NRXN1: variants seen among roughly 807,000 people sequenced by gnomAD.
NRXN1 encodes the protein neurexin-1.
NRXN1 carries 39 observed loss-of-function variants against 150.9 expected under a neutral mutation model. The ratio of observed to expected loss-of-function variants is 0.26; its 90% CI spans 0.20 to 0.34. The LOEUF is 0.34. Ranked by LOEUF, NRXN1 falls within the 10% of genes least tolerant of loss-of-function variation. The pLI, the probability that NRXN1 is intolerant of heterozygous loss-of-function variation, is 1.00. For synonymous variants in NRXN1, 924 were observed against 757.0 expected, an observed-to-expected ratio of 1.22 and a Z score of -3.62; for missense variants, 1,815 against 1,949.9, an observed-to-expected ratio of 0.93 and a Z score of 1.30.
intron 5 of NRXN1, among the ~76,000 whole-genome samples, chr2:50,751,987 G>A (rs2105333829): frequency 6.6e-6 from 1 of 151,974 alleles, no homozygotes; most frequent in East Asian, 1.9e-4. Flanking sequence ...AGTAGCTATT[G>A]AATTGAAATG....
chr2:50,509,748 G>C (rs138619650), intron 12 of NRXN1, among the ~76,000 whole-genome samples: 1 of 152,206 alleles, frequency 6.6e-6, no homozygotes, highest in East Asian at 1.9e-4. Flanking sequence ...TCCTTTGGGG[G>C]ATATCAAACC....
chr2:50,637,081 G>A (rs1683333972), intron 5 of NRXN1, among the ~76,000 whole-genome samples: 1 of 152,054 alleles, frequency 6.6e-6, no homozygotes, highest in Admixed American at 6.6e-5. Context: ...TATGGTTGGT[G>A]CTATATGTCC....
intron 15 of NRXN1, among the ~76,000 whole-genome samples, chr2:50,489,377 C>G (rs2091098557): frequency 6.6e-6 from 1 of 152,164 alleles, no homozygotes; most frequent in Non-Finnish European, 1.5e-5. Flanking sequence ...TGTGACTGAA[C>G]ACACCAATAA....
In NRXN1 at chr2:50,759,950, G is replaced by A. The variant is rs370374428; in HGVS notation, c.833-136335C>T. Among the ~76,000 whole-genome samples the A allele has an allele frequency of 7.9e-5, 12 of 151,570 alleles. No individual in the cohort carries two copies. The East Asian group carries it at 1.2e-3, about 15-fold the overall frequency. Reference sequence around the variant, plus strand: ...CCTAGTACCACCAGTTATTTGGAGGGACAGGTGTTATCCACTGATCAAATC... The same window carrying A: ...CCTAGTACCACCAGTTATTTGGAGGAACAGGTGTTATCCACTGATCAAATC... On this transcript the variant is annotated intron_variant, in intron 5 of 22. Transcript: ENST00000401669.
intron 8 of NRXN1, among the ~76,000 whole-genome samples, chr2:50,606,182 G>A (rs1032657054): frequency 6.7e-6 from 1 of 149,472 alleles, no homozygotes; most frequent in Non-Finnish European, 1.5e-5. Flanking sequence ...CCGGGAGGTG[G>A]AGGGTGCAGT....
intron 17 of NRXN1, among the ~76,000 whole-genome samples, chr2:50,325,609 G>A (rs192187461): frequency 2.6e-5 from 4 of 152,166 alleles, no homozygotes; most frequent in Admixed American, 2.6e-4. Flanking sequence ...CAAGTCTACT[G>A]TCTTATTCTC....
chr2:50,914,921 G>A (rs977208520), intron 5 of NRXN1, among the ~76,000 whole-genome samples: 1 of 151,462 alleles, frequency 6.6e-6, no homozygotes, highest in Non-Finnish European at 1.5e-5. Context: ...GACACATCAG[G>A]GCAGGGTAGA....
chr2:50,776,567 TG>T (rs1703662651), intron 5 of NRXN1, among the ~76,000 whole-genome samples: 1 of 151,440 alleles, frequency 6.6e-6, no homozygotes, highest in African/African-American at 2.4e-5. Context: ...AAATCTAATG[TG>T]TATATATATA....
At chr2:49,942,397 G>A (rs1672137330) in intron 22 of NRXN1, among the ~76,000 whole-genome samples, 2 of 152,048 alleles carry the variant, frequency 1.3e-5, no homozygotes, top group African/African-American at 4.8e-5. Context: ...TATTCAAAAC[G>A]AGATGCACGA....
intron 5 of NRXN1, chr2:50,912,167 A>T (rs931410643): frequency 2.4e-4 from 37 of 151,926 alleles, no homozygotes; most frequent in African/African-American, 8.9e-4. Flanking sequence ...ATGAGTTGAT[A>T]GCACTAGTCA....
intron 18 of NRXN1, among the ~76,000 whole-genome samples, chr2:50,184,357 C>A (rs1366982015): frequency 6.6e-6 from 1 of 151,938 alleles, no homozygotes; most frequent in East Asian, 1.9e-4. Flanking sequence ...TGAATGTCTA[C>A]TCAGTCATTG....
intron 15 of NRXN1, among the ~76,000 whole-genome samples, chr2:50,473,167 T>A (rs2089682233): frequency 6.6e-6 from 1 of 151,948 alleles, no homozygotes; most frequent in East Asian, 1.9e-4. Context: ...GGATATTGCA[T>A]CCTTCTTGAG....
At chr2:50,199,474 TAAG>T (rs998783894) in intron 18 of NRXN1, among the ~76,000 whole-genome samples, 1 of 151,944 alleles carries the variant, frequency 6.6e-6, no homozygotes, top group African/African-American at 2.4e-5. Context: ...AAAACAAATA[TAAG>T]AAGAAAGTGC....
intron 19 of NRXN1, among the ~76,000 whole-genome samples, chr2:50,090,870 A>G (rs577359539): frequency 9.9e-5 from 15 of 152,230 alleles, no homozygotes; most frequent in African/African-American, 3.6e-4. Flanking sequence ...CGGGATCCCT[A>G]CACTTTAATG....
intron 17 of NRXN1, among the ~76,000 whole-genome samples, chr2:50,411,993 G>C (rs1238521236): frequency 2.0e-5 from 3 of 152,336 alleles, no homozygotes; most frequent in African/African-American, 4.8e-5. Flanking sequence ...GCCTTGGGAT[G>C]CTGTTGATCT....
chr2:49,926,352 G>A (rs1669105384), intron 22 of NRXN1: 1 of 398,374 alleles, frequency 2.5e-6, no homozygotes, highest in East Asian at 3.6e-5. Context: ...GGTAAGATAC[G>A]GTGGTCTCTA....
At chr2:50,800,347 T>C (rs1206962023) in intron 5 of NRXN1, among the ~76,000 whole-genome samples, 1 of 152,164 alleles carries the variant, frequency 6.6e-6, no homozygotes, top group Non-Finnish European at 1.5e-5. Flanking sequence ...CTATCTATAT[T>C]TACATTGCAC....
rs1680422276 is a variant in NRXN1 at position 50,623,498 on chromosome 2, C to G, written c.950G>C (p.Arg317Thr). The stretch of plus-strand genomic sequence containing the variant: ...CCCAGTGTGAAGCATCAGTCCATTC[C>G]TCTGAAGGGTTTTAAATGACAGAGT... ...EITLSFKTLQRNGLMLHTGKS... is the reference protein window; with the variant it reads ...EITLSFKTLQTNGLMLHTGKS... Residue 317 changes from arginine (R) to threonine (T), a missense_variant, in exon 6 of 23, where the codon AGG becomes ACG. Coordinates refer to ENST00000401669, the MANE Select transcript of NRXN1 (RefSeq NM_001330078.2). The G allele has an allele frequency of 6.2e-7, 1 of 1,613,418 alleles. No individual in the cohort carries two copies. Among genetic ancestry groups the G allele is most frequent in the Non-Finnish European group, 8.5e-7 (1 of 1,179,512 alleles).
At chr2:49,930,324 G>A (rs942686494) in intron 22 of NRXN1, among the ~76,000 whole-genome samples, 1 of 152,102 alleles carries the variant, frequency 6.6e-6, no homozygotes, top group Non-Finnish European at 1.5e-5. Context: ...AAATGACAAA[G>A]GAGGGAAATA....
Sources: gnomAD v4.1 joint callset for allele counts (sites outside exome capture counted in the v4.1 genomes callset) on GRCh38, gnomAD v4.1.1 for gene constraint, MANE v1.5 for transcripts, NCBI Gene and HGNC (gene_info 2026-07-23, HGNC 2026-07-21) for gene names.